The following ADAM2 variants were observed in gnomAD, a reference collection of about 807,000 sequenced individuals.
ADAM2 encodes disintegrin and metalloproteinase domain-containing protein 2.
In ADAM2, 101 loss-of-function variants were observed where a neutral mutation model predicts 99.3. The observed-to-expected ratio is 1.02, with a 90% CI of 0.87 to 1.20. The LOEUF is 1.20. ADAM2 is among the 50% of genes most tolerant of loss of function. The pLI is 0.00. For missense variants in ADAM2, 948 were observed against 878.7 expected (o/e 1.08, Z -1.00); for synonymous variants, 323 against 287.6 (o/e 1.12, Z -1.25).
intron 19 of ADAM2, among the ~76,000 whole-genome samples, chr8:39,745,169 T>A (rs1447236623): frequency 6.6e-6 from 1 of 152,218 alleles, no homozygotes; most frequent in African/African-American, 2.4e-5. Flanking sequence ...TATTATTGGT[T>A]AAGTATCTTT....
intron 10 of ADAM2, among the ~76,000 whole-genome samples, chr8:39,786,321 C>A (rs1262299622): frequency 6.6e-6 from 1 of 152,090 alleles, no homozygotes; most frequent in Non-Finnish European, 1.5e-5. Flanking sequence ...TTTTTATCTC[C>A]ATTTAATTGA....
chr8:39,782,932 A>G (rs1168337472), intron 10 of ADAM2, among the ~76,000 whole-genome samples: 1 of 152,120 alleles, frequency 6.6e-6, no homozygotes, highest in Non-Finnish European at 1.5e-5. Context: ...CTCACCATCT[A>G]TAATGCTTTT....
chr8:39,767,112 A>G (rs750699966), intron 13 of ADAM2, 41 bp downstream of exon 13: 53 of 1,596,206 alleles, frequency 3.3e-5, no homozygotes, highest in Non-Finnish European at 4.4e-5. Flanking sequence ...AATGATAACT[A>G]CTTATGTAGG....
chr8:39,762,913 C>A (rs903267489), intron 14 of ADAM2, among the ~76,000 whole-genome samples: 2 of 152,098 alleles, frequency 1.3e-5, no homozygotes, highest in African/African-American at 4.8e-5. Flanking sequence ...AATTACATAT[C>A]CAATGGATTT....
chr8:39,749,581 G>GTGCA, intron 17 of ADAM2, 86 bp downstream of exon 17: 2 of 1,282,972 alleles, frequency 1.6e-6, no homozygotes, highest in Non-Finnish European at 2.2e-6. Flanking sequence ...GTGTGTGTGT[G>GTGCA]TGTGCGTGTG....
At position 39,743,979 on chromosome 8, in the gene ADAM2, G is replaced by A. The variant is rs1301423242; in HGVS notation, c.*116C>T. 3 of 151,800 alleles carry A rather than the reference G, an allele frequency of 2.0e-5. No individual in the cohort carries two copies. Among genetic ancestry groups the A allele is most frequent in the Admixed American group, 2.0e-4 (3 of 15,232 alleles). 9.4% of individuals were successfully genotyped at this position (151,800 alleles called of 1,614,324 possible). On this transcript the variant is annotated 3_prime_UTR_variant, in exon 21 of 21. Coordinates refer to ENST00000265708, the MANE Select transcript of ADAM2 (RefSeq NM_001464.5). ...GTCAAATTAAAATCACAATATGCAG[G>A]TTTGAATCCCAGGAAACCAGGTAAT...
At chr8:39,777,990 G>T (rs191316564) in intron 10 of ADAM2, among the ~76,000 whole-genome samples, 2 of 147,616 alleles carry the variant, frequency 1.4e-5, no homozygotes, top group Admixed American at 6.8e-5. Context: ...ATTTTATTGG[G>T]AAAACTAAAA....
At chr8:39,814,539 A>G (rs1309970224) in intron 6 of ADAM2, among the ~76,000 whole-genome samples, 1 of 152,222 alleles carries the variant, frequency 6.6e-6, no homozygotes, top group Non-Finnish European at 1.5e-5. Context: ...GAGAACTCAC[A>G]GTATTACACT....
chr8:39,752,898 A>T (rs1449325779), intron 16 of ADAM2, among the ~76,000 whole-genome samples: 1 of 152,182 alleles, frequency 6.6e-6, no homozygotes, highest in African/African-American at 2.4e-5. Context: ...GCCACGCGGA[A>T]CTGTGAGTCC....
At chr8:39,810,126 G>T (rs1295506097) in intron 6 of ADAM2, among the ~76,000 whole-genome samples, 1 of 152,076 alleles carries the variant, frequency 6.6e-6, no homozygotes, top group South Asian at 2.1e-4. Context: ...AAAAGCAGGG[G>T]TTGTAAACCT....
chr8:39,757,601 G>A (rs4033002), intron 15 of ADAM2, among the ~76,000 whole-genome samples: 1,652 of 152,220 alleles, frequency 0.011, 11 homozygotes, highest in Middle Eastern at 0.024. Context: ...TTAAGCTTGT[G>A]TGGTGAAGAA....
intron 6 of ADAM2, among the ~76,000 whole-genome samples, chr8:39,811,151 T>C (rs12548696): frequency 0.39 from 59,899 of 151,942 alleles, 12,097 homozygotes; most frequent in South Asian, 0.6. Flanking sequence ...CAGAGAATAC[T>C]ATAAACACCT....
intron 10 of ADAM2, among the ~76,000 whole-genome samples, chr8:39,781,582 G>A (rs1372309315): frequency 6.6e-6 from 1 of 152,028 alleles, no homozygotes; most frequent in African/African-American, 2.4e-5. Flanking sequence ...TTTCTGTGTA[G>A]TGCACTACAG....
At chr8:39,799,002 T>A (rs1804092905) in intron 7 of ADAM2, among the ~76,000 whole-genome samples, 1 of 73,036 alleles carries the variant, frequency 1.4e-5, no homozygotes, top group African/African-American at 8.2e-5. Flanking sequence ...CCTGGATTCA[T>A]TGATTTTTTT....
intron 6 of ADAM2, among the ~76,000 whole-genome samples, chr8:39,815,001 A>G (rs1159858135): frequency 6.6e-6 from 1 of 152,058 alleles, no homozygotes; most frequent in Non-Finnish European, 1.5e-5. Context: ...AAATAAGATG[A>G]CTAGAAAGTT....
chr8:39,761,323 T>C, intron 14 of ADAM2, 42 bp from the exon 15 acceptor site: 2 of 1,148,568 alleles, frequency 1.7e-6, no homozygotes, highest in Non-Finnish European at 2.5e-6. Context: ...AAACTTATAT[T>C]AATTAAAAAT....
intron 7 of ADAM2, among the ~76,000 whole-genome samples, chr8:39,807,465 G>A (rs956139239): frequency 5.9e-5 from 9 of 152,148 alleles, no homozygotes; most frequent in African/African-American, 2.2e-4. Flanking sequence ...GAGTTCTATG[G>A]AGTAAATTAT....
At chr8:39,810,252 GAGC>G (rs1804638315) in intron 6 of ADAM2, among the ~76,000 whole-genome samples, 1 of 152,160 alleles carries the variant, frequency 6.6e-6, no homozygotes, top group African/African-American at 2.4e-5. Context: ...AAATATATAT[GAGC>G]CAAATACAGG....
intron 6 of ADAM2, among the ~76,000 whole-genome samples, chr8:39,814,663 A>G (rs1445750784): frequency 2.0e-5 from 3 of 152,096 alleles, no homozygotes; most frequent in Non-Finnish European, 4.4e-5. Flanking sequence ...TTTATCCATC[A>G]ATAAATAGAC....
Sources: gnomAD v4.1 joint callset for allele counts (sites outside exome capture counted in the v4.1 genomes callset) on GRCh38, gnomAD v4.1.1 for gene constraint, MANE v1.5 for transcripts, NCBI Gene and HGNC (gene_info 2026-07-23, HGNC 2026-07-21) for gene names.